Variants in ALOX12 observed in about 807,000 individuals in gnomAD.
ALOX12 encodes arachidonate 12-lipoxygenase, 12S type.
ALOX12 carries 62 observed loss-of-function variants against 85.5 expected under a neutral mutation model. That is an observed-to-expected ratio of 0.73 (90% CI 0.59 to 0.90). The LOEUF (loss-of-function observed/expected upper bound fraction) is 0.90, where lower values mean the gene tolerates loss of function less well. Among genes scored for constraint, ALOX12 ranks in the 40% least tolerant of loss-of-function variants. ALOX12 has a pLI of 0.00. For synonymous variants in ALOX12, 299 were observed against 332.7 expected (o/e 0.90, Z 1.10); for missense variants, 751 against 856.5 (o/e 0.88, Z 1.54).
At position 7,010,110 on chromosome 17, in the gene ALOX12, G is replaced by A. The variant is rs764461201; in HGVS notation, c.1796G>A (p.Arg599His). The change falls in exon 13 of 14, where the codon CGC becomes CAC. Residue 599 changes from arginine (R) to histidine (H), a missense_variant. Transcript: ENST00000251535. ...ATGGCCATCTCATGGCATCTGAGTCGCCGCCAGCCAGACATGGTGAGAGGG... is the reference window on the plus strand; with the variant it reads ...ATGGCCATCTCATGGCATCTGAGTCACCGCCAGCCAGACATGGTGAGAGGG... ...LQMAISWHLSRRQPDMVPLGH... is the reference protein window; with the variant it reads ...LQMAISWHLSHRQPDMVPLGH... The A allele has an allele frequency of 2.5e-5, 40 of 1,612,014 alleles. No individual in the cohort carries two copies. The highest frequency in any genetic ancestry group is 9.9e-5 in the South Asian group (9 of 90,824).
rs184982217 is a variant in ALOX12 at position 7,009,800 on chromosome 17, T to A, written c.1594T>A (p.Cys532Ser). Residue 532 changes from cysteine to serine, a missense_variant, in exon 12 of 14, where the codon TGC becomes AGC. Cys to Ser is a moderately radical substitution (Grantham distance 112). Coordinates refer to ENST00000251535, the MANE Select transcript of ALOX12 (RefSeq NM_000697.3). ...QSQLCHFLTMCVFTCTAQHAA... is the reference protein window; with the variant it reads ...QSQLCHFLTMSVFTCTAQHAA... ...TCAACTCTGCCATTTCCTCACCATG[T>A]GCGTCTTCACGTGCACTGCCCAGCA... is the stretch of plus-strand genomic sequence containing the variant. 136 of 1,614,250 alleles carry A rather than the reference T, an allele frequency of 8.4e-5. No individual in the cohort carries two copies. The highest frequency in any genetic ancestry group is 1.1e-4 in the Non-Finnish European group (126 of 1,180,042).
At position 7,010,512 on chromosome 17, in the gene ALOX12, C is replaced by T. The variant is rs1909338363; in HGVS notation, c.*89C>T. On this transcript the variant is annotated 3_prime_UTR_variant, in exon 14 of 14. Coordinates refer to ENST00000251535, the MANE Select transcript of ALOX12 (RefSeq NM_000697.3). ...ATTTCATGCTTTCCTAAAGTCTCTG[C>T]TGCTAAGGCTCTATTTCCTCCCCCA... 1 of 1,462,090 alleles carries T rather than the reference C, an allele frequency of 6.8e-7. No homozygotes were observed. Among genetic ancestry groups the T allele is most frequent in the Admixed American group, 2.3e-5 (1 of 44,254 alleles). The allele number at this position is 1,462,090 out of a possible 1,614,324, so 90.6% of individuals were successfully genotyped here.
rs1909097820 is a variant in ALOX12, at chr17:7,006,622, A to G, written c.1540+15A>G. The stretch of plus-strand genomic sequence containing the variant: ...CCAGGACCGAGGTAAGATCCATTCT[A>G]GAGACAGAAGAAGCTCCTGGGAGAC... On this transcript the variant is annotated intron_variant, in intron 11 of 13. Transcript: ENST00000251535. 1 of 1,563,356 alleles carries G rather than the reference A, an allele frequency of 6.4e-7. No homozygotes were observed.
rs1909093418 is a variant in ALOX12, at chr17:7,006,582, G to T, written c.1515G>T (p.Val505=). 6.2e-7 allele frequency: 1 copy of T among 1,611,326 alleles called. No homozygotes were observed. The highest frequency in any genetic ancestry group is 1.3e-5 in the African/African-American group (1 of 74,864). The change falls in exon 11 of 14, where the codon GTG becomes GTT. Residue 505 remains valine, a synonymous_variant. Coordinates refer to ENST00000251535, the MANE Select transcript of ALOX12 (RefSeq NM_000697.3). ...LQAWCREITE[V]GLCQAQDRGF... ...CCTGGTGTCGGGAGATCACGGAGGT[G>T]GGGCTGTGCCAGGCCCAGGACCGAG... is the stretch of plus-strand genomic sequence containing the variant.
chr17:7,005,178 A>AG, intron 8 of ALOX12, 79 bp from the exon 9 acceptor site: 2 of 1,263,504 alleles, frequency 1.6e-6, no homozygotes. Flanking sequence ...AGAAGGCGCC[A>AG]TGCTGGGTGC....
At chr17:6,998,094 G>C (rs1300590313) in intron 2 of ALOX12, among the ~76,000 whole-genome samples, 1 of 151,886 alleles carries the variant, frequency 6.6e-6, no homozygotes, top group Non-Finnish European at 1.5e-5. Context: ...AGGCGTGGCA[G>C]GTGAGGTTTA....
rs1908646165 is a variant in ALOX12, at chr17:7,000,220, T to TC, written c.808-114dup. On this transcript the variant is annotated intron_variant, in intron 6 of 13. Coordinates refer to ENST00000251535, the MANE Select transcript of ALOX12 (RefSeq NM_000697.3). The surrounding 1 kb of genome is among the most constrained non-coding windows in gnomAD (Gnocchi z 4.6). Reference sequence around the variant, plus strand: ...GGGGCTCTAGTTCTCCCAACAGGGCTCCGGTACTGATGCAGGAGAATGGCA... The same window carrying TC: ...GGGGCTCTAGTTCTCCCAACAGGGCTCCCGGTACTGATGCAGGAGAATGGCA... 2 of 1,267,102 alleles carry TC rather than the reference T, an allele frequency of 1.6e-6. No individual in the cohort carries two copies. Among genetic ancestry groups the TC allele is most frequent in the East Asian group, 4.7e-5 (2 of 42,720 alleles). The allele number at this position is 1,267,102 out of a possible 1,614,324, so 78.5% of individuals were successfully genotyped here. A position where few individuals can be genotyped will look rare whatever the true frequency, so the allele number is the denominator to read the frequency against.
chr17:7,004,975 C>A (rs1908964162), intron 8 of ALOX12, among the ~76,000 whole-genome samples: 2 of 152,128 alleles, frequency 1.3e-5, no homozygotes, highest in Non-Finnish European at 2.9e-5. Context: ...TCTATTGCTG[C>A]CCCCTGTTGA....
chr17:7,004,933 T>A (rs566755026), intron 8 of ALOX12, among the ~76,000 whole-genome samples: 1 of 152,182 alleles, frequency 6.6e-6, no homozygotes, highest in African/African-American at 2.4e-5. Flanking sequence ...ATCACTTAGG[T>A]GAGCATCACC....
rs1491546294 is a variant in ALOX12, at chr17:7,006,059, C to CGGGGGGG, written c.1418+32_1418+33insGGGGGGG. 2.4e-4 allele frequency: 32 copies of CGGGGGGG among 135,680 alleles called. 2 individuals are homozygous for CGGGGGGG. The highest frequency in any genetic ancestry group is 2.3e-3 in the East Asian group (6 of 2,612). The allele number at this position is 135,680 out of a possible 1,614,324, so 8.4% of individuals were successfully genotyped here. On this transcript the variant is annotated intron_variant, in intron 10 of 13. Transcript: ENST00000251535. Reference sequence around the variant, plus strand: ...AAGGAGGAGCTGAGAAATGGTGGGGCCGGGGGGGGGGGGGGCTCTGGCCTG... The same window carrying CGGGGGGG: ...AAGGAGGAGCTGAGAAATGGTGGGGCGGGGGGGCGGGGGGGGGGGGGGCTCTGGCCTG...
In ALOX12 at chr17:6,998,789, G is replaced by C; in HGVS notation, c.494G>C (p.Arg165Thr). The C allele has an allele frequency of 1.2e-6, 2 of 1,614,168 alleles. No individual in the cohort carries two copies. The highest frequency in any genetic ancestry group is 1.7e-6 in the Non-Finnish European group (2 of 1,180,030). ...DRKDDLPPNM[R>T]FHEEKRLDFE... ...AAGGATGATCTACCTCCAAATATGA[G>C]ATTCCATGAGGAGAAGAGGCTGGAC... Residue 165 changes from arginine to threonine, a missense_variant, in exon 4 of 14, where the codon AGA (arginine) becomes ACA (threonine). Arg to Thr is a moderately conservative substitution (Grantham distance 71). Transcript: ENST00000251535.
chr17:7,005,159 A>G lies in ALOX12; in HGVS notation c.1162-98A>G, dbSNP rs1447314053. On this transcript the variant is annotated intron_variant, in intron 8 of 13. Coordinates refer to ENST00000251535, the MANE Select transcript of ALOX12 (RefSeq NM_000697.3). ...AGGAGATCAGCCTGTAAAGGAAAGC[A>G]TCAAGAGGAGAAGGCGCCATGCTGG... 4.8e-6 allele frequency: 5 copies of G among 1,042,194 alleles called. No individual in the cohort carries two copies. In the Admixed American group the frequency reaches 5.1e-5, roughly 11 times the overall value. The allele number at this position is 1,042,194 out of a possible 1,614,324, so 64.6% of individuals were successfully genotyped here.
Position 6,996,183 on chromosome 17 carries a change from G to A in ALOX12, c.66G>A (p.Val22=). ...TCTTCTCCGGGTCGTACAACCGCGT[G>A]CAGCTTTGGCTGGTCGGGACGCGCG... ...AWLFSGSYNR[V]QLWLVGTRGE... The change falls in exon 1 of 14, where the codon GTG becomes GTA. Residue 22 remains valine, a synonymous_variant. Transcript: ENST00000251535. 1 of 1,253,534 alleles carries A rather than the reference G, an allele frequency of 8.0e-7. No individual in the cohort carries two copies. Among genetic ancestry groups the A allele is most frequent in the Non-Finnish European group, 1.0e-6 (1 of 992,056 alleles). The allele number at this position is 1,253,534 out of a possible 1,614,324, so 77.7% of individuals were successfully genotyped here.
chr17:7,002,450 C>T (rs1321953584), intron 8 of ALOX12: 1 of 467,330 alleles, frequency 2.1e-6, no homozygotes, highest in African/African-American at 2.0e-5. Flanking sequence ...TCTGCCACAC[C>T]TGTAAGTCCC....
At position 6,996,244 on chromosome 17, in the gene ALOX12, C is replaced by G. The variant is rs1031275066; in HGVS notation, c.127C>G (p.Arg43Gly). ...GCTGGAGCTGCAGCTGCGGCCCGCG[C>G]GGGGCGAGGTCAGCGCGGGGAGCGA... ...AELELQLRPA[R>G]GEEEEFDHDV... The change falls in exon 1 of 14, where the codon CGG becomes GGG. Residue 43 changes from arginine (R) to glycine (G), a missense_variant. Physicochemically the swap from Arg to Gly is moderately radical, Grantham distance 125. Transcript: ENST00000251535. The G allele has an allele frequency of 8.0e-7, 1 of 1,242,280 alleles. No individual in the cohort carries two copies. The highest frequency in any genetic ancestry group is 4.2e-5 in the Admixed American group (1 of 23,624). The allele number at this position is 1,242,280 out of a possible 1,614,324, so 77.0% of individuals were successfully genotyped here. A position where few individuals can be genotyped will look rare whatever the true frequency, so the allele number is the denominator to read the frequency against.
At chr17:7,008,745 CAA>C (rs567491974) in intron 11 of ALOX12, among the ~76,000 whole-genome samples, 10 of 131,458 alleles carry the variant, frequency 7.6e-5, no homozygotes, top group Admixed American at 2.2e-4. Context: ...GACTCCGTCT[CAA>C]AAAAAAAAAA....
At position 7,001,819 on chromosome 17, in the gene ALOX12, T is replaced by A; in HGVS notation, c.1161+8T>A. On this transcript the variant is annotated splice_region_variant and intron_variant, in intron 8 of 13. Transcript: ENST00000251535. Reference sequence around the variant, plus strand: ...CTGCACCCCATCTTCAAGGTACTTATTAATCTATTAAATCACATATCCCTC... The same window carrying A: ...CTGCACCCCATCTTCAAGGTACTTAATAATCTATTAAATCACATATCCCTC... 1 of 1,611,316 alleles carries A rather than the reference T, an allele frequency of 6.2e-7. No individual in the cohort carries two copies. Among genetic ancestry groups the A allele is most frequent in the African/African-American group, 1.3e-5 (1 of 74,990 alleles).
chr17:7,010,538 G>A lies in ALOX12; in HGVS notation c.*115G>A. The A allele has an allele frequency of 7.8e-7, 1 of 1,289,178 alleles. No individual in the cohort carries two copies. Among genetic ancestry groups the A allele is most frequent in the Admixed American group, 2.7e-5 (1 of 37,624 alleles). 79.9% of individuals were successfully genotyped at this position (1,289,178 alleles called of 1,614,324 possible). ...TGCTAAGGCTCTATTTCCTCCCCCA[G>A]TTAAACCCCCTACATTAGTATCCCA... On this transcript the variant is annotated 3_prime_UTR_variant, in exon 14 of 14. Transcript: ENST00000251535.
At chr17:7,004,136 T>TAATTAAAATTTAAATAAATTTAAATTTAA (rs1908876920) in intron 8 of ALOX12, among the ~76,000 whole-genome samples, 1 of 118,276 alleles carries the variant, frequency 8.5e-6, no homozygotes, top group African/African-American at 3.0e-5. Flanking sequence ...TTTAAATAAA[T>TAATTAAAATTTAAATAAATTTAAATTTAA]AATTAAAATT....
Sources: gnomAD v4.1 joint callset for allele counts (sites outside exome capture counted in the v4.1 genomes callset) on GRCh38, gnomAD v4.1.1 for gene constraint, Gnocchi (gnomAD v3.1) non-coding constraint, MANE v1.5 for transcripts, NCBI Gene and HGNC (gene_info 2026-07-23, HGNC 2026-07-21) for gene names.